The following GRIA2 variants were observed in gnomAD, a reference collection of about 807,000 sequenced individuals.
GRIA2 encodes glutamate receptor 2.
In GRIA2, 14 loss-of-function variants were observed where a neutral mutation model predicts 97.3. The ratio of observed to expected loss-of-function variants is 0.14; its 90% confidence interval spans 0.10 to 0.23. GRIA2 has a LOEUF of 0.23. Among genes scored for constraint, GRIA2 ranks in the 10% least tolerant of loss-of-function variants. The probability of loss-of-function intolerance (pLI) is 1.00; values close to 1 mark genes in which losing one functional copy is unlikely to be tolerated. For synonymous variants in GRIA2, 412 were observed against 387.8 expected (o/e 1.06, Z -0.73); for missense variants, 558 against 1,069.8 (o/e 0.52, Z 6.67).
chr4:157,276,713 C>T (rs1732333076), intron 2 of GRIA2, among the ~76,000 whole-genome samples: 1 of 151,722 alleles, frequency 6.6e-6, no homozygotes, highest in South Asian at 2.1e-4. Context: ...ACTACCACTA[C>T]AGATCTCATG....
chr4:157,261,451 C>T (rs750895583), intron 2 of GRIA2, among the ~76,000 whole-genome samples: 36 of 152,016 alleles, frequency 2.4e-4, no homozygotes, highest in Non-Finnish European at 1.0e-4. Context: ...GTTTTGAGTA[C>T]TATTTTTTAA....
At position 157,306,707 on chromosome 4, in the gene GRIA2, G is replaced by T. The variant is rs570825973; in HGVS notation, c.469+2916G>T. On this transcript the variant is annotated intron_variant, in intron 3 of 15. Transcript: ENST00000264426. Reference sequence around the variant, plus strand: ...AATATTTTACTTGGCTCATGGAAATGGAATTTTTGCTATTTGTTTTTTTCT... The same window carrying T: ...AATATTTTACTTGGCTCATGGAAATTGAATTTTTGCTATTTGTTTTTTTCT... Among the ~76,000 whole-genome samples, 258 of 152,170 alleles carry T rather than the reference G, an allele frequency of 1.7e-3. 2 individuals are homozygous for T. The highest frequency in any genetic ancestry group is 6.0e-3 in the African/African-American group (249 of 41,524).
intron 4 of GRIA2, among the ~76,000 whole-genome samples, chr4:157,313,661 G>C (rs947632190): frequency 6.6e-6 from 1 of 151,934 alleles, no homozygotes; most frequent in Non-Finnish European, 1.5e-5. Context: ...CATTATGATT[G>C]ATTGAATAAG....
At chr4:157,315,942 G>A (rs1345440764) in intron 4 of GRIA2, among the ~76,000 whole-genome samples, 1 of 152,110 alleles carries the variant, frequency 6.6e-6, no homozygotes, top group Admixed American at 6.5e-5. Flanking sequence ...CTTTTCCATT[G>A]TCAGTGCAAT....
Position 157,312,726 on chromosome 4 carries a change from T to G in GRIA2, c.517T>G (p.Trp173Gly). 6.2e-7 allele frequency: 1 copy of G among 1,611,624 alleles called. No individual in the cohort carries two copies. Among genetic ancestry groups the G allele is most frequent in the Non-Finnish European group, 8.5e-7 (1 of 1,178,318 alleles). ...GCTGGATTCTGCTGCTGAAAAGAAATGGCAAGTGACTGCTATCAATGTGGG... is the reference window on the plus strand; with the variant it reads ...GCTGGATTCTGCTGCTGAAAAGAAAGGGCAAGTGACTGCTATCAATGTGGG... Reference protein sequence around the residue: ...AVLDSAAEKKWQVTAINVGNI... With the variant: ...AVLDSAAEKKGQVTAINVGNI... The change falls in exon 4 of 16, where the codon TGG becomes GGG. Residue 173 changes from tryptophan to glycine, a missense_variant. This residue lies in a region of GRIA2 where 173 missense variants were observed against 209.1 expected (regional missense o/e 0.83). Transcript: ENST00000264426.
chr4:157,247,170 TC>T (rs1364189548), intron 2 of GRIA2, among the ~76,000 whole-genome samples: 7 of 152,304 alleles, frequency 4.6e-5, no homozygotes, highest in African/African-American at 1.2e-4. Context: ...TACAGTGTAT[TC>T]CCTGTGCCTG....
At chr4:157,277,151 G>A (rs927168655) in intron 2 of GRIA2, among the ~76,000 whole-genome samples, 1 of 151,750 alleles carries the variant, frequency 6.6e-6, no homozygotes, top group African/African-American at 2.4e-5. Context: ...CAAAATATTA[G>A]CAAATGAAAC....
intron 2 of GRIA2, among the ~76,000 whole-genome samples, chr4:157,276,181 A>G (rs1412620806): frequency 1.3e-5 from 2 of 152,222 alleles, no homozygotes; most frequent in East Asian, 3.9e-4. Context: ...TTATTGGTGT[A>G]TAAGAATGCT....
chr4:157,361,729 G>A lies in GRIA2; in HGVS notation c.2406+605G>A. On this transcript the variant is annotated intron_variant, in intron 14 of 15. Coordinates refer to ENST00000264426, the MANE Select transcript of GRIA2 (RefSeq NM_001083619.3). This position sits in a 1 kb window ranked among gnomAD's most constrained non-coding sequence, Gnocchi z 5.2. ...AAATCAAACCACAAGTGTGTTAGTG[G>A]GAATGACCCATCTTAAATAGAATGT... is the stretch of plus-strand genomic sequence containing the variant. The A allele has an allele frequency of 1.0e-6, 1 of 955,616 alleles. No homozygotes were observed. The highest frequency in any genetic ancestry group is 1.4e-5 in the South Asian group (1 of 73,264). 59.2% of individuals were successfully genotyped at this position (955,616 alleles called of 1,614,324 possible). A position where few individuals can be genotyped will look rare whatever the true frequency, so the allele number is the denominator to read the frequency against.
Position 157,364,979 on chromosome 4 carries a change from T to A in GRIA2, c.*1548T>A, listed in dbSNP as rs1230050075. On this transcript the variant is annotated 3_prime_UTR_variant, in exon 16 of 16. Transcript: ENST00000264426. ...TTTCCCTTCATAAAATACCTCTTATTTCCATTAAAGCCCCCCAAGTTTAAT... is the reference window on the plus strand; with the variant it reads ...TTTCCCTTCATAAAATACCTCTTATATCCATTAAAGCCCCCCAAGTTTAAT... 1 of 151,680 alleles carries A rather than the reference T, an allele frequency of 6.6e-6. No homozygotes were observed. The highest frequency in any genetic ancestry group is 2.4e-5 in the African/African-American group (1 of 41,406). 9.4% of individuals were successfully genotyped at this position (151,680 alleles called of 1,614,324 possible).
chr4:157,339,618 T>C (rs1045128707), intron 11 of GRIA2, among the ~76,000 whole-genome samples: 1 of 151,952 alleles, frequency 6.6e-6, no homozygotes, highest in African/African-American at 2.4e-5. Flanking sequence ...TTCCTTAATT[T>C]TTACAACTGG....
chr4:157,344,434 C>T (rs1263781895), intron 12 of GRIA2, among the ~76,000 whole-genome samples: 1 of 152,024 alleles, frequency 6.6e-6, no homozygotes, highest in Non-Finnish European at 1.5e-5. Context: ...TGGTGCCCAG[C>T]CTGACCAGGA....
chr4:157,242,360 T>G (rs773884608), intron 2 of GRIA2, among the ~76,000 whole-genome samples: 4 of 152,094 alleles, frequency 2.6e-5, no homozygotes, highest in Non-Finnish European at 5.9e-5. Flanking sequence ...CAACTTTTTC[T>G]TAGCTGTTAC....
intron 7 of GRIA2, 65 bp from the exon 8 acceptor site, chr4:157,333,177 AGTAATCT>A: frequency 1.0e-6 from 1 of 962,994 alleles, no homozygotes; most frequent in East Asian, 2.4e-5. Context: ...ATCTGGTTAA[AGTAATCT>A]GTACAGTGTA....
At chr4:157,302,104 C>T (rs961859911) in intron 2 of GRIA2, among the ~76,000 whole-genome samples, 1 of 147,166 alleles carries the variant, frequency 6.8e-6, no homozygotes, top group Non-Finnish European at 1.5e-5. Context: ...ACCCGGGAGG[C>T]GGAGGTTGCA....
chr4:157,312,981 T>C, intron 4 of GRIA2, 106 bp downstream of exon 4: 1 of 591,316 alleles, frequency 1.7e-6, no homozygotes. Flanking sequence ...AGTTTTTGCT[T>C]TATGTTTTAT....
chr4:157,347,472 G>A (rs890763224), intron 12 of GRIA2, among the ~76,000 whole-genome samples: 2 of 152,092 alleles, frequency 1.3e-5, no homozygotes, highest in South Asian at 2.1e-4. Context: ...TCATGAGAAC[G>A]ATTAATCTAG....
At chr4:157,277,765 C>T (rs1052613412) in intron 2 of GRIA2, among the ~76,000 whole-genome samples, 7 of 148,512 alleles carry the variant, frequency 4.7e-5, no homozygotes, top group African/African-American at 1.2e-4. Context: ...AAAAATACAA[C>T]CCCCCACGAA....
Position 157,361,146 on chromosome 4 carries a change from A to C in GRIA2, c.2406+22A>C. ...CAAGGTCAGCCCCAGTGAGAAAAGT[A>C]ATGGGTAACTCAATGCAAAACAAAG... On this transcript the variant is annotated intron_variant, in intron 14 of 15. Transcript: ENST00000264426. This position sits in a 1 kb window ranked among gnomAD's most constrained non-coding sequence, Gnocchi z 5.2. The C allele has an allele frequency of 6.5e-7, 1 of 1,533,282 alleles. No individual in the cohort carries two copies. The highest frequency in any genetic ancestry group is 9.0e-7 in the Non-Finnish European group (1 of 1,106,786). 95.0% of individuals were successfully genotyped at this position (1,533,282 alleles called of 1,614,324 possible).
Sources: allele counts gnomAD v4.1 joint callset (sites outside exome capture counted in the v4.1 genomes callset), GRCh38; gene constraint gnomAD v4.1.1; regional missense constraint gnomAD v4.1.1; non-coding constraint Gnocchi (gnomAD v3.1); transcripts MANE v1.5; gene names NCBI Gene and HGNC (gene_info 2026-07-23, HGNC 2026-07-21).